The following AGBL4 variants were observed in gnomAD, a reference collection of about 807,000 sequenced individuals.
AGBL4 encodes AGBL carboxypeptidase 4.
In AGBL4, 58 loss-of-function variants were observed where a neutral mutation model predicts 66.4. The observed-to-expected ratio is 0.87, with a 90% CI of 0.71 to 1.09. The LOEUF is 1.09. AGBL4 is among the 50% of genes least tolerant of loss of function. The pLI is 0.00. For missense variants in AGBL4, 579 were observed against 631.0 expected (o/e 0.92, Z 0.88); for synonymous variants, 234 against 222.9 (o/e 1.05, Z -0.44).
intron 4 of AGBL4, among the ~76,000 whole-genome samples, chr1:49,139,680 A>G (rs774398184): frequency 2.6e-5 from 4 of 152,202 alleles, no homozygotes; most frequent in Non-Finnish European, 5.9e-5. Flanking sequence ...GAACAAATGG[A>G]TGGATGAATA....
intron 4 of AGBL4, among the ~76,000 whole-genome samples, chr1:49,127,192 G>T (rs1032351854): frequency 1.3e-5 from 2 of 152,144 alleles, no homozygotes; most frequent in Non-Finnish European, 2.9e-5. Context: ...TTTGCCTGGG[G>T]GCATATTTTG....
At chr1:49,985,556 T>C (rs1408750316) in intron 1 of AGBL4, among the ~76,000 whole-genome samples, 1 of 152,180 alleles carries the variant, frequency 6.6e-6, no homozygotes, top group African/African-American at 2.4e-5. Context: ...GAGAAATTGA[T>C]TTGTTGTTCT....
chr1:49,014,953 G>A (rs1662704014), intron 5 of AGBL4, among the ~76,000 whole-genome samples: 1 of 152,198 alleles, frequency 6.6e-6, no homozygotes, highest in East Asian at 1.9e-4. Context: ...AGATAACACT[G>A]CTTCTTACAG....
intron 2 of AGBL4, among the ~76,000 whole-genome samples, chr1:49,777,136 G>A (rs1278218948): frequency 1.3e-5 from 2 of 152,130 alleles, no homozygotes; most frequent in East Asian, 1.9e-4. Flanking sequence ...TGAGAAATAA[G>A]TCATAAAATG....
intron 4 of AGBL4, among the ~76,000 whole-genome samples, chr1:49,134,736 G>A (rs550955418): frequency 1.2e-3 from 186 of 152,008 alleles, no homozygotes; most frequent in Non-Finnish European, 2.0e-3. Context: ...TGAACAATTC[G>A]TGCAGTTAAC....
chr1:48,665,456 C>T (rs983361681), intron 6 of AGBL4, among the ~76,000 whole-genome samples: 3 of 152,062 alleles, frequency 2.0e-5, no homozygotes, highest in Non-Finnish European at 2.9e-5. Flanking sequence ...AAAGAAATAT[C>T]GACTCATATT....
chr1:48,744,133 C>T (rs1188873746), intron 6 of AGBL4, among the ~76,000 whole-genome samples: 2 of 152,108 alleles, frequency 1.3e-5, no homozygotes, highest in Non-Finnish European at 2.9e-5. Context: ...AGCGAAGGAC[C>T]AATAGCATCA....
chr1:48,590,687 T>C lies in AGBL4; in HGVS notation c.1104+146A>G, dbSNP rs1644901329. The stretch of plus-strand genomic sequence containing the variant: ...GCTTGAGGACATGGGCACATCTTGT[T>C]TACCTCTATCTTCATCACCCACACA... On this transcript the variant is annotated intron_variant, in intron 10 of 13. Coordinates refer to ENST00000371839, the MANE Select transcript of AGBL4 (RefSeq NM_032785.4). 8 of 909,762 alleles carry C rather than the reference T, an allele frequency of 8.8e-6. No homozygotes were observed. In the Admixed American group the frequency reaches 2.4e-4, roughly 28 times the overall value. The allele number at this position is 909,762 out of a possible 1,614,324, so 56.4% of individuals were successfully genotyped here. A position where few individuals can be genotyped will look rare whatever the true frequency, so the allele number is the denominator to read the frequency against.
At chr1:49,725,069 T>C (rs1214585131) in intron 2 of AGBL4, among the ~76,000 whole-genome samples, 3 of 152,010 alleles carry the variant, frequency 2.0e-5, no homozygotes, top group Non-Finnish European at 4.4e-5. Context: ...AAAAAGGGAA[T>C]AAAAGCACTT....
rs751260825 is a variant in AGBL4, at chr1:48,601,815, A to T, written c.952-10830T>A. 5.4e-4 allele frequency among the ~76,000 whole-genome samples: 82 copies of T among 152,086 alleles called. No homozygotes were observed. The Middle Eastern group carries it at 0.01, about 19-fold the overall frequency. On this transcript the variant is annotated intron_variant, in intron 9 of 13. Coordinates refer to ENST00000371839, the MANE Select transcript of AGBL4 (RefSeq NM_032785.4). ...CTCCAAAACCTCTGCTTGATCCTCA[A>T]CTTGGGAAGTCATCCTATGTGCTCA...
At chr1:49,047,753 T>C (rs942629981) in intron 4 of AGBL4, among the ~76,000 whole-genome samples, 1 of 152,152 alleles carries the variant, frequency 6.6e-6, no homozygotes, top group African/African-American at 2.4e-5. Context: ...CATCATAGAC[T>C]TTTAACCAAG....
At chr1:49,903,939 C>T (rs773840415) in intron 1 of AGBL4, among the ~76,000 whole-genome samples, 4 of 152,040 alleles carry the variant, frequency 2.6e-5, no homozygotes, top group Non-Finnish European at 5.9e-5. Context: ...GAATCTGTAA[C>T]AAATGATTAT....
At chr1:48,864,114 A>G (rs1647762076) in intron 6 of AGBL4, among the ~76,000 whole-genome samples, 1 of 152,140 alleles carries the variant, frequency 6.6e-6, no homozygotes, top group Non-Finnish European at 1.5e-5. Flanking sequence ...ACAACCCAAT[A>G]GAATACAGAT....
At chr1:49,756,436 C>G (rs1382913477) in intron 2 of AGBL4, among the ~76,000 whole-genome samples, 1 of 152,198 alleles carries the variant, frequency 6.6e-6, no homozygotes, top group Non-Finnish European at 1.5e-5. Flanking sequence ...AGATTTGAGA[C>G]TAAAGTCAGG....
Position 49,566,199 on chromosome 1 carries a change from C to T in AGBL4, c.282+131114G>A, listed in dbSNP as rs562691096. Reference sequence around the variant, plus strand: ...GCATTGGTTATTCTAGTTATCCATTCGTCTAATTTTTTTTCAAGTTTTTAG... The same window carrying T: ...GCATTGGTTATTCTAGTTATCCATTTGTCTAATTTTTTTTCAAGTTTTTAG... On this transcript the variant is annotated intron_variant, in intron 3 of 13. Coordinates refer to ENST00000371839, the MANE Select transcript of AGBL4 (RefSeq NM_032785.4). 1.4e-3 allele frequency among the ~76,000 whole-genome samples: 211 copies of T among 152,198 alleles called. 1 individual carries two copies. The highest frequency in any genetic ancestry group is 4.8e-3 in the African/African-American group (200 of 41,530).
chr1:49,936,973 A>G (rs1418676883), intron 1 of AGBL4, among the ~76,000 whole-genome samples: 2 of 152,234 alleles, frequency 1.3e-5, no homozygotes, highest in African/African-American at 4.8e-5. Context: ...TGACAGGATC[A>G]AATTCACACA....
intron 6 of AGBL4, among the ~76,000 whole-genome samples, chr1:48,726,456 G>A (rs765398507): frequency 3.9e-5 from 6 of 152,088 alleles, no homozygotes; most frequent in Non-Finnish European, 7.4e-5. Context: ...TATCTACTAA[G>A]TGTCAGGAAC....
At chr1:49,146,899 G>C (rs761702379) in intron 4 of AGBL4, among the ~76,000 whole-genome samples, 1 of 152,258 alleles carries the variant, frequency 6.6e-6, no homozygotes, top group Non-Finnish European at 1.5e-5. Flanking sequence ...CAGCCAGGGA[G>C]CACAATGCCT....
At chr1:48,774,525 A>G (rs1644985182) in intron 6 of AGBL4, among the ~76,000 whole-genome samples, 1 of 152,218 alleles carries the variant, frequency 6.6e-6, no homozygotes, top group Admixed American at 6.5e-5. Flanking sequence ...GGTAAGGGGA[A>G]GTGTTTTTCA....
Sources: gnomAD v4.1 joint callset for allele counts (sites outside exome capture counted in the v4.1 genomes callset) on GRCh38, gnomAD v4.1.1 for gene constraint, MANE v1.5 for transcripts, NCBI Gene and HGNC (gene_info 2026-07-23, HGNC 2026-07-21) for gene names.